The following CACNA1C variants were observed in gnomAD, a reference collection of about 807,000 sequenced individuals.
CACNA1C encodes calcium voltage-gated channel subunit alpha1 C.
In CACNA1C, 30 loss-of-function variants were observed where a neutral mutation model predicts 229.0. That is an observed-to-expected ratio of 0.13 (90% CI 0.10 to 0.18). CACNA1C has a LOEUF of 0.18. Among genes scored for constraint, CACNA1C ranks in the 10% least tolerant of loss-of-function variants. The probability of loss-of-function intolerance (pLI) is 1.00; values close to 1 mark genes in which losing one functional copy is unlikely to be tolerated. For synonymous variants in CACNA1C, 1,114 were observed against 1,132.5 expected (o/e 0.98, Z 0.33); for missense variants, 1,658 against 2,845.0 (o/e 0.58, Z 9.49).
intron 1 of CACNA1C, among the ~76,000 whole-genome samples, chr12:2,064,321 A>G (rs1028173125): frequency 1.3e-5 from 2 of 152,160 alleles, no homozygotes; most frequent in African/African-American, 4.8e-5. Context: ...CTAGTCCAGG[A>G]GCACCCATGT....
chr12:2,265,543 T>C (rs1216040917), intron 3 of CACNA1C, among the ~76,000 whole-genome samples: 6 of 152,202 alleles, frequency 3.9e-5, no homozygotes, highest in African/African-American at 1.4e-4. Context: ...TGTCCCTTCA[T>C]TACAGATAGT....
intron 9 of CACNA1C, among the ~76,000 whole-genome samples, chr12:2,535,039 G>A (rs192067381): frequency 1.5e-4 from 23 of 152,322 alleles, no homozygotes; most frequent in Admixed American, 3.9e-4. Context: ...TTTGCCTGTA[G>A]CAGTGAGCCT....
Position 2,556,605 on chromosome 12 carries a change from T to C in CACNA1C, c.1482-346T>C, listed in dbSNP as rs192611670. Among the ~76,000 whole-genome samples, 289 of 152,334 alleles carry C rather than the reference T, an allele frequency of 1.9e-3. 1 individual carries two copies. The highest frequency in any genetic ancestry group is 3.1e-3 in the Non-Finnish European group (211 of 68,038). On this transcript the variant is annotated intron_variant, in intron 10 of 46. Coordinates refer to ENST00000399655, the MANE Select transcript of CACNA1C (RefSeq NM_000719.7). ...TTTTTCTGCTGTTGGGGTCCTCTTG[T>C]CATCAGGAGAGGCCTTTTCTTTCTC...
At chr12:2,401,189 T>C (rs2098672289) in intron 3 of CACNA1C, among the ~76,000 whole-genome samples, 1 of 152,184 alleles carries the variant, frequency 6.6e-6, no homozygotes, top group African/African-American at 2.4e-5. Flanking sequence ...GAGTCTCCAG[T>C]CCTTGTTGGT....
rs1335279515 is a variant in CACNA1C, at chr12:2,067,255, T to TC, written c.49+13649dup. Among the ~76,000 whole-genome samples the TC allele has an allele frequency of 6.6e-6, 1 of 151,688 alleles. No individual in the cohort carries two copies. Among genetic ancestry groups the TC allele is most frequent in the Non-Finnish European group, 1.5e-5 (1 of 67,924 alleles). On this transcript the variant is annotated intron_variant, in intron 1 of 46. Transcript: ENST00000399655. The surrounding 1 kb of genome is among the most constrained non-coding windows in gnomAD (Gnocchi z 5.3). Reference sequence around the variant, plus strand: ...TTTAGTGGGAGTCAGGGAGTCTGAATCCCCCAGCCTGCCTCCATCCCAGGT... The same window carrying TC: ...TTTAGTGGGAGTCAGGGAGTCTGAATCCCCCCAGCCTGCCTCCATCCCAGGT...
At chr12:2,668,690 C>T in intron 37 of CACNA1C, 1 of 470,548 alleles carries the variant, frequency 2.1e-6, no homozygotes, top group South Asian at 3.0e-5. Flanking sequence ...CACACACTTA[C>T]TTAAACAAGC....
In CACNA1C at chr12:1,991,645, A is replaced by G. The variant is rs115349357; in HGVS notation, c.139+20444A>G. The stretch of plus-strand genomic sequence containing the variant: ...CACACTTCAGGTACTAAACGGCCAC[A>G]GTAGTTAGTGACTATCATAGTGGAC... On this transcript the variant is annotated intron_variant, in intron 1 of 46. Coordinates refer to the CACNA1C transcript ENST00000682462. The G allele has an allele frequency of 7.0e-3, 1,284 of 183,898 alleles. 13 individuals are homozygous for G. Among genetic ancestry groups the G allele is most frequent in the African/African-American group, 0.029 (1,206 of 41,778 alleles). 11.4% of individuals were successfully genotyped at this position (183,898 alleles called of 1,614,324 possible).
rs112282870 is a variant in CACNA1C, at chr12:2,201,256, C to T, written c.477+80826C>T. Among the ~76,000 whole-genome samples the T allele has an allele frequency of 8.3e-4, 127 of 152,234 alleles. 1 individual carries two copies. The highest frequency in any genetic ancestry group is 2.8e-3 in the African/African-American group (117 of 41,530). On this transcript the variant is annotated intron_variant, in intron 3 of 46. Transcript: ENST00000399655. ...CACAGAGAAGGTGGGGGACCTTCCC[C>T]GCAACTTAGCCGCAGTTGGAGATTC...
At chr12:2,302,174 G>A (rs934598831) in intron 3 of CACNA1C, among the ~76,000 whole-genome samples, 2 of 152,060 alleles carry the variant, frequency 1.3e-5, no homozygotes, top group Admixed American at 6.5e-5. Context: ...AGTGAGCCTC[G>A]CACAGTGAAT....
chr12:2,261,849 C>T (rs2154403166), intron 3 of CACNA1C, among the ~76,000 whole-genome samples: 1 of 152,376 alleles, frequency 6.6e-6, no homozygotes, highest in East Asian at 1.9e-4. Context: ...GTATCTGAAG[C>T]TGCTGTGCTG....
At chr12:2,603,892 T>A (rs1339983495) in intron 22 of CACNA1C, 1 of 152,200 alleles carries the variant, frequency 6.6e-6, no homozygotes, top group Non-Finnish European at 1.5e-5. Context: ...TCTGCTTAGG[T>A]TCAAAAAAGT....
chr12:1,993,193 A>T, intron 1 of CACNA1C: 3 of 1,605,320 alleles, frequency 1.9e-6, no homozygotes, highest in Non-Finnish European at 2.6e-6. Context: ...ACAATGGCAA[A>T]CACTGTACAA....
intron 9 of CACNA1C, among the ~76,000 whole-genome samples, chr12:2,548,813 C>T (rs1387160764): frequency 2.6e-5 from 4 of 152,102 alleles, no homozygotes; most frequent in East Asian, 1.9e-4. Flanking sequence ...CTGGCAGCCT[C>T]GCAGGGACTT....
chr12:2,073,967 T>C (rs1397003656), intron 1 of CACNA1C, among the ~76,000 whole-genome samples: 1 of 152,160 alleles, frequency 6.6e-6, no homozygotes, highest in African/African-American at 2.4e-5. Flanking sequence ...TGTTCAGTGA[T>C]GGATTAGTGA....
chr12:2,388,375 T>C (rs1555510532), intron 3 of CACNA1C, among the ~76,000 whole-genome samples: 1 of 152,240 alleles, frequency 6.6e-6, no homozygotes, highest in Non-Finnish European at 1.5e-5. Context: ...ACCTTGGTTG[T>C]GGTAAGCACT....
At chr12:2,293,991 A>T (rs1205386800) in intron 3 of CACNA1C, among the ~76,000 whole-genome samples, 1 of 152,194 alleles carries the variant, frequency 6.6e-6, no homozygotes, top group African/African-American at 2.4e-5. Flanking sequence ...TAATTGAATC[A>T]TTTATTAACT....
rs777948170 is a variant in CACNA1C at position 2,605,168 on chromosome 12, G to A, written c.3048G>A (p.Lys1016=). ...LRAINRAKGL[K]HVVQCVFVAI... is the part of the protein sequence containing the mutation. ...CCATCAACAGGGCCAAGGGGCTAAAGGTGAGTTGAGGGCTTGGGTAGGGAG... is the reference window on the plus strand; with the variant it reads ...CCATCAACAGGGCCAAGGGGCTAAAAGTGAGTTGAGGGCTTGGGTAGGGAG... Residue 1016 remains lysine, a splice_region_variant and synonymous_variant, in exon 23 of 47, where the codon AAG becomes AAA. Transcript: ENST00000399655. The surrounding 1 kb of genome is among the most constrained non-coding windows in gnomAD (Gnocchi z 6.2). 3.1e-6 allele frequency: 5 copies of A among 1,605,528 alleles called. No homozygotes were observed. Among genetic ancestry groups the A allele is most frequent in the Middle Eastern group, 1.6e-4 (1 of 6,076 alleles).
At chr12:2,508,448 G>A (rs1327490875) in intron 8 of CACNA1C, among the ~76,000 whole-genome samples, 1 of 152,230 alleles carries the variant, frequency 6.6e-6, no homozygotes, top group Non-Finnish European at 1.5e-5. Context: ...CTAGGAGTTT[G>A]AGATCAGCCT....
At chr12:2,686,689 AAAG>A (rs1217584711) in intron 45 of CACNA1C, among the ~76,000 whole-genome samples, 1 of 152,238 alleles carries the variant, frequency 6.6e-6, no homozygotes, top group African/African-American at 2.4e-5. Context: ...CCAGTGACAT[AAAG>A]AAGTGATTAA....
Sources: allele counts gnomAD v4.1 joint callset (sites outside exome capture counted in the v4.1 genomes callset), GRCh38; gene constraint gnomAD v4.1.1; non-coding constraint Gnocchi (gnomAD v3.1); transcripts MANE v1.5; gene names NCBI Gene and HGNC (gene_info 2026-07-23, HGNC 2026-07-21).